The following OSBP2 variants were observed in gnomAD, a reference collection of about 807,000 sequenced individuals.
OSBP2 encodes the protein oxysterol-binding protein 2.
A neutral mutation model predicts 96.0 loss-of-function variants in OSBP2; 66 were observed. The ratio of observed to expected loss-of-function variants is 0.69; its 90% CI spans 0.56 to 0.84. The LOEUF (loss-of-function observed/expected upper bound fraction) is 0.84. Among genes scored for constraint, OSBP2 ranks in the 40% least tolerant of loss-of-function variants. The probability of loss-of-function intolerance (pLI) is 0.00; values close to 1 mark genes in which losing one functional copy is unlikely to be tolerated. For missense variants in OSBP2, 1,038 were observed against 1,222.7 expected (o/e 0.85, Z 2.25); for synonymous variants, 525 against 520.9 (o/e 1.01, Z -0.11).
At chr22:30,866,884 TGTGGCCAGA>T (rs1459930254) in intron 2 of OSBP2, among the ~76,000 whole-genome samples, 1 of 152,236 alleles carries the variant, frequency 6.6e-6, no homozygotes, top group Non-Finnish European at 1.5e-5. Flanking sequence ...CTGGACTCAG[TGTGGCCAGA>T]GTTTACTCAT....
At chr22:30,888,179 G>A (rs765556471) in intron 4 of OSBP2, 44 bp from the exon 5 acceptor site, 2 of 1,321,538 alleles carry the variant, frequency 1.5e-6, no homozygotes, top group Admixed American at 3.4e-5. Context: ...GCGAGATTGA[G>A]CCTTTTGTGA....
intron 3 of OSBP2, among the ~76,000 whole-genome samples, chr22:30,883,058 G>T (rs1363734112): frequency 1.3e-5 from 2 of 152,242 alleles, no homozygotes; most frequent in East Asian, 3.9e-4. Context: ...ATCTATGTGA[G>T]AACTTGTGGA....
At chr22:30,897,180 A>T (rs1046692118) in intron 12 of OSBP2, among the ~76,000 whole-genome samples, 3 of 152,258 alleles carry the variant, frequency 2.0e-5, no homozygotes, top group African/African-American at 7.2e-5. Context: ...ATAGTTTTAA[A>T]CATTATGCAT....
intron 2 of OSBP2, among the ~76,000 whole-genome samples, chr22:30,780,936 A>C (rs2090510233): frequency 6.6e-6 from 1 of 152,126 alleles, no homozygotes; most frequent in Non-Finnish European, 1.5e-5. Flanking sequence ...GCCTGACCAC[A>C]GAAGGTTCTG....
At chr22:30,767,438 A>G (rs2090290039) in intron 2 of OSBP2, among the ~76,000 whole-genome samples, 1 of 152,042 alleles carries the variant, frequency 6.6e-6, no homozygotes, top group African/African-American at 2.4e-5. Context: ...CCTTGTCTCT[A>G]TGCCTCCATC....
chr22:30,839,884 T>A (rs1040434246), intron 2 of OSBP2, among the ~76,000 whole-genome samples: 1 of 152,132 alleles, frequency 6.6e-6, no homozygotes, highest in African/African-American at 2.4e-5. Context: ...TTGTTGCCAT[T>A]GCTTTTGGTG....
chr22:30,898,581 G>A (rs535259394), intron 12 of OSBP2, among the ~76,000 whole-genome samples: 2 of 152,260 alleles, frequency 1.3e-5, no homozygotes, highest in South Asian at 2.1e-4. Flanking sequence ...AGCAGGAAAA[G>A]AGCAGAGAGT....
chr22:30,797,599 A>G (rs2090782729), intron 2 of OSBP2, among the ~76,000 whole-genome samples: 1 of 126,602 alleles, frequency 7.9e-6, no homozygotes, highest in African/African-American at 3.0e-5. Flanking sequence ...TTTTTATTTA[A>G]CTAATTTTTT....
intron 2 of OSBP2, among the ~76,000 whole-genome samples, chr22:30,752,043 C>T (rs2090080745): frequency 6.6e-6 from 1 of 152,256 alleles, no homozygotes; most frequent in Middle Eastern, 3.4e-3. Flanking sequence ...GTAGCCCTTC[C>T]CTGCCAGCCC....
intron 2 of OSBP2, among the ~76,000 whole-genome samples, chr22:30,750,293 T>C (rs2090058559): frequency 6.6e-6 from 1 of 152,194 alleles, no homozygotes; most frequent in Non-Finnish European, 1.5e-5. Context: ...AATCAGTGAA[T>C]GTTTCTGAGC....
chr22:30,848,238 T>C (rs1170265078), intron 2 of OSBP2, among the ~76,000 whole-genome samples: 1 of 152,186 alleles, frequency 6.6e-6, no homozygotes, highest in African/African-American at 2.4e-5. Context: ...TGTTTCATTC[T>C]AAAAAGCATC....
At chr22:30,864,457 G>A (rs563141577) in intron 2 of OSBP2, among the ~76,000 whole-genome samples, 2 of 152,212 alleles carry the variant, frequency 1.3e-5, no homozygotes, top group Non-Finnish European at 2.9e-5. Context: ...GAGTGGGAAA[G>A]TGCCCAAGGC....
At chr22:30,752,011 G>A (rs1474882419) in intron 2 of OSBP2, among the ~76,000 whole-genome samples, 1 of 152,174 alleles carries the variant, frequency 6.6e-6, no homozygotes. Flanking sequence ...GTCAGTCACA[G>A]AGGGGTCTGC....
chr22:30,835,169 A>G (rs914829000), intron 2 of OSBP2, among the ~76,000 whole-genome samples: 2 of 151,402 alleles, frequency 1.3e-5, no homozygotes, highest in Non-Finnish European at 2.9e-5. Context: ...TAATTTATCT[A>G]TTTTTTTTGT....
chr22:30,747,097 A>G (rs2090012309), intron 2 of OSBP2, among the ~76,000 whole-genome samples: 1 of 152,218 alleles, frequency 6.6e-6, no homozygotes. Context: ...TGATACAGAA[A>G]AACGATCTGA....
intron 1 of OSBP2, among the ~76,000 whole-genome samples, chr22:30,707,770 A>G (rs763120050): frequency 7.2e-5 from 11 of 151,966 alleles, no homozygotes; most frequent in Non-Finnish European, 1.5e-4. Flanking sequence ...TGTTCCTAGT[A>G]TAAAGACCCA....
intron 12 of OSBP2, chr22:30,902,437 G>T (rs781273197): frequency 4.4e-5 from 69 of 1,585,880 alleles, no homozygotes; most frequent in Non-Finnish European, 5.9e-5. Context: ...ACTTCATGTG[G>T]ACATTGCAGA....
At position 30,906,907 on chromosome 22, in the gene OSBP2, G is replaced by C. The variant is rs1270216350; in HGVS notation, c.*568G>C. On this transcript the variant is annotated 3_prime_UTR_variant, in exon 14 of 14. Coordinates refer to ENST00000332585, the MANE Select transcript of OSBP2 (RefSeq NM_030758.4). Reference sequence around the variant, plus strand: ...TTGTAGCTCAACATATCAAGTCCTCGATGGTATCTGAGCTGCCCACACCCC... The same window carrying C: ...TTGTAGCTCAACATATCAAGTCCTCCATGGTATCTGAGCTGCCCACACCCC... The C allele has an allele frequency of 6.6e-6, 1 of 152,660 alleles. No homozygotes were observed. The highest frequency in any genetic ancestry group is 2.4e-5 in the African/African-American group (1 of 41,454). 9.5% of individuals were successfully genotyped at this position (152,660 alleles called of 1,614,324 possible). A position where few individuals can be genotyped will look rare whatever the true frequency, so the allele number is the denominator to read the frequency against.
At chr22:30,723,775 G>A (rs2089594922) in intron 1 of OSBP2, among the ~76,000 whole-genome samples, 1 of 152,114 alleles carries the variant, frequency 6.6e-6, no homozygotes, top group Non-Finnish European at 1.5e-5. Context: ...ACAGAATTGA[G>A]CAGAAGGTAC....
Sources: allele counts gnomAD v4.1 joint callset (sites outside exome capture counted in the v4.1 genomes callset), GRCh38; gene constraint gnomAD v4.1.1; transcripts MANE v1.5; gene names NCBI Gene and HGNC (gene_info 2026-07-23, HGNC 2026-07-21).